CPEB3: variants seen among roughly 807,000 people sequenced by gnomAD.
The protein encoded by CPEB3 is cytoplasmic polyadenylation element-binding protein 3.
CPEB3 carries 20 observed loss-of-function variants against 67.2 expected under a neutral mutation model. The ratio of observed to expected loss-of-function variants is 0.30; its 90% confidence interval spans 0.21 to 0.43. The LOEUF is 0.43. Among genes scored for constraint, CPEB3 ranks in the 20% least tolerant of loss-of-function variants. The probability of loss-of-function intolerance (pLI) is 1.00; values close to 1 mark genes in which losing one functional copy is unlikely to be tolerated. For missense variants in CPEB3, 746 were observed against 968.6 expected (o/e 0.77, Z 3.05); for synonymous variants, 376 against 393.1 (o/e 0.96, Z 0.51).
intron 2 of CPEB3, among the ~76,000 whole-genome samples, chr10:92,205,338 T>C (rs1413162664): frequency 6.6e-6 from 1 of 152,166 alleles, no homozygotes; most frequent in Non-Finnish European, 1.5e-5. Flanking sequence ...TAATAGATAA[T>C]TAATATGTGC....
rs185841713 is a variant in CPEB3 at position 92,099,385 on chromosome 10, C to G, written c.1573-7441G>C. Among the ~76,000 whole-genome samples the G allele has an allele frequency of 2.9e-4, 44 of 151,566 alleles. 1 individual carries two copies. The East Asian group carries it at 7.6e-3, about 26-fold the overall frequency. ...CAGGCTGATCTTGAACTTAGGGGCC[C>G]AAGCAATCTGCCCACCTCAGCCTCC... is the stretch of plus-strand genomic sequence containing the variant. On this transcript the variant is annotated intron_variant, in intron 7 of 9. Transcript: ENST00000265997.
intron 4 of CPEB3, among the ~76,000 whole-genome samples, chr10:92,166,337 G>A (rs752989454): frequency 1.3e-5 from 2 of 151,984 alleles, no homozygotes; most frequent in Admixed American, 6.6e-5. Context: ...TCAAACTCTC[G>A]ACCTCAGGTG....
At chr10:92,099,706 T>C (rs371560250) in intron 7 of CPEB3, among the ~76,000 whole-genome samples, 1 of 126,008 alleles carries the variant, frequency 7.9e-6, no homozygotes. Context: ...AAAAAAAAAA[T>C]ACAAAAAATT....
intron 6 of CPEB3, among the ~76,000 whole-genome samples, chr10:92,125,673 A>G (rs1183280220): frequency 1.3e-5 from 2 of 151,802 alleles, no homozygotes; most frequent in Non-Finnish European, 2.9e-5. Flanking sequence ...TGTCATGTCC[A>G]TCTTATCTTC....
intron 2 of CPEB3, among the ~76,000 whole-genome samples, chr10:92,197,420 A>G (rs1277911538): frequency 6.6e-6 from 1 of 152,246 alleles, no homozygotes; most frequent in Non-Finnish European, 1.5e-5. Flanking sequence ...GTATACAGAA[A>G]ACCAGGCCAC....
intron 4 of CPEB3, among the ~76,000 whole-genome samples, chr10:92,147,613 G>A (rs561782345): frequency 1.3e-5 from 2 of 152,294 alleles, no homozygotes; most frequent in African/African-American, 2.4e-5. Context: ...ACAGTCTGGT[G>A]GGGGAGACAG....
intron 9 of CPEB3, among the ~76,000 whole-genome samples, chr10:92,073,817 A>G (rs1842845075): frequency 6.6e-6 from 1 of 152,158 alleles, no homozygotes; most frequent in African/African-American, 2.4e-5. Flanking sequence ...TCAGTTGTCA[A>G]GGATCTTGAG....
intron 4 of CPEB3, among the ~76,000 whole-genome samples, chr10:92,173,752 G>C (rs1369284050): frequency 6.6e-6 from 1 of 152,022 alleles, no homozygotes; most frequent in Non-Finnish European, 1.5e-5. Flanking sequence ...CCATCTCTTA[G>C]GTCCCTTACC....
At chr10:92,120,176 C>T in intron 6 of CPEB3, among the ~76,000 whole-genome samples, 1 of 151,486 alleles carries the variant, frequency 6.6e-6, no homozygotes, top group South Asian at 2.1e-4. Context: ...TTTGGTGAGG[C>T]CGAGGAGGGC....
intron 8 of CPEB3, among the ~76,000 whole-genome samples, chr10:92,090,368 C>A (rs538592511): frequency 2.0e-4 from 31 of 152,218 alleles, no homozygotes; most frequent in African/African-American, 7.5e-4. Context: ...ATGGCAAAAC[C>A]CTGTTTCTAC....
At chr10:92,210,783 A>T (rs1850041227) in intron 2 of CPEB3, among the ~76,000 whole-genome samples, 1 of 152,236 alleles carries the variant, frequency 6.6e-6, no homozygotes, top group Non-Finnish European at 1.5e-5. Context: ...CATGCCTGTA[A>T]TCCCAGCACT....
chr10:92,221,760 ATAGC>A (rs1850710883), intron 2 of CPEB3, among the ~76,000 whole-genome samples: 1 of 152,288 alleles, frequency 6.6e-6, no homozygotes, highest in South Asian at 2.1e-4. Flanking sequence ...AGGCAGGAGG[ATAGC>A]TTGAGCCCAG....
chr10:92,139,341 T>C (rs1011228159), intron 6 of CPEB3, among the ~76,000 whole-genome samples: 5 of 150,166 alleles, frequency 3.3e-5, no homozygotes, highest in African/African-American at 9.8e-5. Context: ...TGGAGTAGTA[T>C]TCAGCCACGA....
chr10:92,211,735 G>T (rs1850097243), intron 2 of CPEB3, among the ~76,000 whole-genome samples: 1 of 151,294 alleles, frequency 6.6e-6, no homozygotes, highest in African/African-American at 2.4e-5. Context: ...TAGAGACCGG[G>T]TTTCACTATG....
At position 92,052,373 on chromosome 10, in the gene CPEB3, C is replaced by T. The variant is rs758423478; in HGVS notation, c.1936G>A (p.Gly646Arg). The T allele has an allele frequency of 6.2e-7, 1 of 1,614,246 alleles. No individual in the cohort carries two copies. Among genetic ancestry groups the T allele is most frequent in the Non-Finnish European group, 8.5e-7 (1 of 1,180,050 alleles). Residue 646 changes from glycine (G) to arginine (R), a missense_variant, in exon 10 of 10, where the codon GGG becomes AGG. Gly to Arg is a moderately radical substitution (Grantham distance 125, BLOSUM62 -2). Around this residue, in one of 2 missense-constraint regions of CPEB3, gnomAD observed 103 missense variants for 251.1 expected, o/e 0.41. Transcript: ENST00000265997. Reference protein sequence around the residue: ...CDECQGTRCGGKFAPFFCANV... With the variant: ...CDECQGTRCGRKFAPFFCANV... ...GCACAGAAGAACGGGGCAAACTTCC[C>T]ACCACAGCGTGTGCCCTGGCACTCA...
intron 2 of CPEB3, among the ~76,000 whole-genome samples, chr10:92,217,234 A>AAAAAAAAATT (rs1404027771): frequency 8.5e-6 from 1 of 117,334 alleles, no homozygotes; most frequent in African/African-American, 3.8e-5. Flanking sequence ...AAAAAAAAAA[A>AAAAAAAAATT]TTATATATAT....
Position 92,192,413 on chromosome 10 carries a change from T to A in CPEB3, c.1165+64A>T, listed in dbSNP as rs747618436. On this transcript the variant is annotated intron_variant, in intron 3 of 9. Transcript: ENST00000265997. ...AAAAAACAAACCAGAAAAATCAAAA[T>A]TATTAAAAAGCTGATTTTTGCTTAA... 4.1e-6 allele frequency: 6 copies of A among 1,457,948 alleles called. No individual in the cohort carries two copies. In the East Asian group the frequency reaches 1.2e-4, roughly 28 times the overall value. The allele number at this position is 1,457,948 out of a possible 1,614,324, so 90.3% of individuals were successfully genotyped here.
At chr10:92,211,169 T>C (rs1463798832) in intron 2 of CPEB3, among the ~76,000 whole-genome samples, 1 of 152,160 alleles carries the variant, frequency 6.6e-6, no homozygotes. Flanking sequence ...AAGCACCACA[T>C]AAAATAAAAA....
chr10:92,097,894 G>A (rs1843955898), intron 7 of CPEB3, among the ~76,000 whole-genome samples: 1 of 152,034 alleles, frequency 6.6e-6, no homozygotes, highest in South Asian at 2.1e-4. Flanking sequence ...AGGCACAGTG[G>A]CTCACACCTG....
Sources: allele counts gnomAD v4.1 joint callset (sites outside exome capture counted in the v4.1 genomes callset), GRCh38; gene constraint gnomAD v4.1.1; regional missense constraint gnomAD v4.1.1; transcripts MANE v1.5; gene names NCBI Gene and HGNC (gene_info 2026-07-23, HGNC 2026-07-21).